NUCB1: variants seen among roughly 807,000 people sequenced by gnomAD.
NUCB1 encodes the protein nucleobindin-1.
NUCB1 carries 47 observed loss-of-function variants against 61.2 expected under a neutral mutation model. That is an observed-to-expected ratio of 0.77 (90% confidence interval 0.61 to 0.98). The LOEUF (loss-of-function observed/expected upper bound fraction) is 0.98, where lower values mean the gene tolerates loss of function less well. Among genes scored for constraint, NUCB1 ranks in the 50% least tolerant of loss-of-function variants. The probability of loss-of-function intolerance (pLI) is 0.00; values close to 1 mark genes in which losing one functional copy is unlikely to be tolerated. For synonymous variants in NUCB1, 234 were observed against 243.1 expected, an observed-to-expected ratio of 0.96 and a Z score of 0.35; for missense variants, 583 against 605.3, an observed-to-expected ratio of 0.96 and a Z score of 0.39.
rs377556961 is a variant in NUCB1 at position 48,901,920 on chromosome 19, C to T, written c.135+989C>T. Among the ~76,000 whole-genome samples, 30 of 152,330 alleles carry T rather than the reference C, an allele frequency of 2.0e-4. 1 individual carries two copies. In the South Asian group the frequency reaches 3.3e-3, roughly 17 times the overall value. ...GGCTTTGTTGAGTCCCATTTCTTTT[C>T]TTCCATTCCACATGTTTCCTGAGCA... is the stretch of plus-strand genomic sequence containing the variant. On this transcript the variant is annotated intron_variant, in intron 2 of 12. Coordinates refer to ENST00000405315, the MANE Select transcript of NUCB1 (RefSeq NM_006184.6).
At position 48,903,906 on chromosome 19, in the gene NUCB1, GTGGA is replaced by G. The variant is rs1429519010; in HGVS notation, c.136-425_136-422del. ...GATGGGTGGGTGGATGGATGGATGG[GTGGA>G]TGGATGGATGGATGGGTGGGTGGGT... On this transcript the variant is annotated intron_variant, in intron 2 of 12. Transcript: ENST00000405315. 2.2e-3 allele frequency among the ~76,000 whole-genome samples: 282 copies of G among 126,198 alleles called. 3 individuals carry two copies. Among genetic ancestry groups the G allele is most frequent in the African/African-American group, 7.1e-3 (239 of 33,790 alleles). 82.8% of individuals were successfully genotyped at this position (126,198 alleles called of 152,430 possible). A position where few individuals can be genotyped will look rare whatever the true frequency, so the allele number is the denominator to read the frequency against.
At chr19:48,916,010 A>G (rs12981274) in intron 7 of NUCB1, among the ~76,000 whole-genome samples, 76,509 of 151,934 alleles carry the variant, frequency 0.5, 23,272 homozygotes, top group South Asian at 0.74. Context: ...CATGCAACCA[A>G]TTCTGAGAGC....
intron 1 of NUCB1, 40 bp from the exon 2 acceptor site, chr19:48,900,746 G>A: frequency 6.3e-7 from 1 of 1,597,058 alleles, no homozygotes. Flanking sequence ...AGAGGCTTGG[G>A]ACAGACATTA....
chr19:48,912,889 AAGAC>A, intron 5 of NUCB1, 118 bp from the exon 6 acceptor site: 1 of 576,368 alleles, frequency 1.7e-6, no homozygotes, highest in Non-Finnish European at 2.9e-6. Flanking sequence ...AGACGTAAGA[AAGAC>A]AGGTAGAGGC....
intron 7 of NUCB1, among the ~76,000 whole-genome samples, chr19:48,916,735 G>C (rs959363197): frequency 3.3e-5 from 5 of 152,112 alleles, no homozygotes; most frequent in Admixed American, 6.6e-5. Context: ...GGCCAACATA[G>C]TGAAACCCCG....
chr19:48,914,819 G>C (rs904518883), intron 7 of NUCB1, among the ~76,000 whole-genome samples: 8 of 151,478 alleles, frequency 5.3e-5, no homozygotes, highest in African/African-American at 1.9e-4. Flanking sequence ...GGTGGCTCAC[G>C]CCTATAATCC....
In NUCB1 at chr19:48,919,407, T is replaced by A. The variant is rs2037581053; in HGVS notation, c.1002+121T>A. The A allele has an allele frequency of 9.6e-6, 6 of 625,438 alleles. No homozygotes were observed. In the East Asian group the frequency reaches 1.6e-4, roughly 17 times the overall value. 38.7% of individuals were successfully genotyped at this position (625,438 alleles called of 1,614,324 possible). On this transcript the variant is annotated intron_variant, in intron 10 of 12. Coordinates refer to ENST00000405315, the MANE Select transcript of NUCB1 (RefSeq NM_006184.6). ...GTCCCCGTCCATTCTCCTGGGTCAC[T>A]GCATCTCTATCTCTGGGTCTCTGTT... is the stretch of plus-strand genomic sequence containing the variant.
intron 2 of NUCB1, among the ~76,000 whole-genome samples, chr19:48,902,393 G>A (rs1156779736): frequency 2.0e-5 from 3 of 150,314 alleles, no homozygotes; most frequent in Admixed American, 6.6e-5. Flanking sequence ...ACAGGCATGA[G>A]CCACCTCATT....
chr19:48,901,222 C>T, intron 2 of NUCB1: 1 of 547,230 alleles, frequency 1.8e-6, no homozygotes, highest in Non-Finnish European at 3.3e-6. Flanking sequence ...ACTACATTTC[C>T]CAGTAGCACC....
chr19:48,901,166 T>C (rs1244717903), intron 2 of NUCB1: 3 of 611,094 alleles, frequency 4.9e-6, no homozygotes, highest in African/African-American at 1.9e-5. Flanking sequence ...TCTGTTTTTT[T>C]AAGATTCTCT....
At chr19:48,922,211 TG>T in intron 12 of NUCB1, 106 bp from the exon 13 acceptor site, 2 of 506,502 alleles carry the variant, frequency 3.9e-6, no homozygotes, top group South Asian at 1.9e-5. Context: ...GAGGAGGGGC[TG>T]GGGGCTGGAC....
chr19:48,908,423 C>T (rs543575830), intron 4 of NUCB1, among the ~76,000 whole-genome samples: 278 of 152,298 alleles, frequency 1.8e-3, no homozygotes, highest in Non-Finnish European at 2.8e-3. Flanking sequence ...AGCCACCCCG[C>T]CTGGCCTCCA....
chr19:48,902,039 C>T (rs895926365), intron 2 of NUCB1, among the ~76,000 whole-genome samples: 2 of 152,164 alleles, frequency 1.3e-5, no homozygotes, highest in African/African-American at 4.8e-5. Context: ...TATCCCTGCT[C>T]ACTGGGAGAT....
At position 48,913,208 on chromosome 19, in the gene NUCB1, A is replaced by G. The variant is rs184368448; in HGVS notation, c.666+12A>G. On this transcript the variant is annotated intron_variant, in intron 6 of 12. Transcript: ENST00000405315. ...AAGTCAACGTGCCTGTGAGGACCCC[A>G]TTTGTGCCCATCCACTCCCTACCAC... 1.9e-4 allele frequency: 301 copies of G among 1,603,106 alleles called. 1 individual carries two copies. The East Asian group carries it at 5.8e-3, about 31-fold the overall frequency.
rs1225860325 is a variant in NUCB1, at chr19:48,919,016, G to A, written c.817-14G>A. 2 of 1,611,614 alleles carry A rather than the reference G, an allele frequency of 1.2e-6. No individual in the cohort carries two copies. Among genetic ancestry groups the A allele is most frequent in the Non-Finnish European group, 1.7e-6 (2 of 1,178,504 alleles). Reference sequence around the variant, plus strand: ...GACCTCTCAATGCTGTCTGCCTCTCGCTTGCTCCTGCAGCTGGAGAAAGTG... The same window carrying A: ...GACCTCTCAATGCTGTCTGCCTCTCACTTGCTCCTGCAGCTGGAGAAAGTG... On this transcript the variant is annotated splice_polypyrimidine_tract_variant and intron_variant, in intron 8 of 12. Transcript: ENST00000405315.
chr19:48,914,292 A>G (rs1218432377), intron 7 of NUCB1, among the ~76,000 whole-genome samples: 3 of 151,680 alleles, frequency 2.0e-5, no homozygotes, highest in Non-Finnish European at 4.4e-5. Context: ...CCCTTTCTCT[A>G]TGGTGGATCA....
intron 10 of NUCB1, 87 bp from the exon 11 acceptor site, chr19:48,921,067 C>T (rs1274236878): frequency 3.5e-6 from 5 of 1,438,496 alleles, no homozygotes; most frequent in Non-Finnish European, 4.7e-6. Context: ...GCCTCCTCTA[C>T]ACCTCCCCCA....
At chr19:48,903,862 A>G (rs141103765) in intron 2 of NUCB1, among the ~76,000 whole-genome samples, 5 of 16,518 alleles carry the variant, frequency 3.0e-4, no homozygotes, top group Non-Finnish European at 5.2e-4. Context: ...GGATGAGTGG[A>G]TGGATGGATG....
At chr19:48,920,067 C>A (rs2037592128) in intron 10 of NUCB1, among the ~76,000 whole-genome samples, 2 of 148,772 alleles carry the variant, frequency 1.3e-5, no homozygotes, top group African/African-American at 5.0e-5. Context: ...CCGCACCACA[C>A]CTAGCTAATT....
Sources: gnomAD v4.1 joint callset for allele counts (sites outside exome capture counted in the v4.1 genomes callset) on GRCh38, gnomAD v4.1.1 for gene constraint, MANE v1.5 for transcripts, NCBI Gene and HGNC (gene_info 2026-07-23, HGNC 2026-07-21) for gene names.